Variants in AGTPBP1 observed in about 807,000 individuals in gnomAD.
The protein encoded by AGTPBP1 is cytosolic carboxypeptidase 1.
A neutral mutation model predicts 143.9 loss-of-function variants in AGTPBP1; 70 were observed. The observed-to-expected ratio is 0.49, with a 90% CI of 0.40 to 0.59. The LOEUF (loss-of-function observed/expected upper bound fraction) is 0.59, where lower values mean the gene tolerates loss of function less well. Among genes scored for constraint, AGTPBP1 ranks in the 20% least tolerant of loss-of-function variants. The probability of loss-of-function intolerance (pLI) is 0.00; values close to 1 mark genes in which losing one functional copy is unlikely to be tolerated. For synonymous variants in AGTPBP1, 463 were observed against 500.2 expected (o/e 0.93, Z 0.99); for missense variants, 1,229 against 1,464.5 (o/e 0.84, Z 2.62).
At chr9:85,598,783 G>A (rs955841848) in intron 17 of AGTPBP1, among the ~76,000 whole-genome samples, 11 of 152,034 alleles carry the variant, frequency 7.2e-5, no homozygotes, top group African/African-American at 2.4e-4. Flanking sequence ...GCAATGGTGC[G>A]ATCTCGGCTC....
chr9:85,701,001 T>G (rs1836610290), intron 2 of AGTPBP1, among the ~76,000 whole-genome samples: 1 of 151,998 alleles, frequency 6.6e-6, no homozygotes, highest in South Asian at 2.1e-4. Flanking sequence ...CACTGCAACC[T>G]CCACCTCTCA....
chr9:85,582,887 A>G (rs1258813542), intron 23 of AGTPBP1, among the ~76,000 whole-genome samples: 2 of 152,186 alleles, frequency 1.3e-5, no homozygotes, highest in Non-Finnish European at 2.9e-5. Flanking sequence ...CTTAATCACC[A>G]GAATCTAGGA....
intron 13 of AGTPBP1, among the ~76,000 whole-genome samples, chr9:85,637,442 A>G (rs1374526102): frequency 6.6e-6 from 1 of 152,216 alleles, no homozygotes; most frequent in Non-Finnish European, 1.5e-5. Flanking sequence ...TCCACAAAGA[A>G]ATTGTGGTGT....
chr9:85,613,039 G>A (rs867326145), intron 17 of AGTPBP1, among the ~76,000 whole-genome samples: 54 of 151,822 alleles, frequency 3.6e-4, no homozygotes, highest in African/African-American at 1.3e-3. Flanking sequence ...TGAACAAAAT[G>A]GATTAAAATT....
chr9:85,668,559 T>A (rs914048866), intron 8 of AGTPBP1, among the ~76,000 whole-genome samples: 7 of 152,100 alleles, frequency 4.6e-5, no homozygotes, highest in African/African-American at 1.4e-4. Context: ...CTGAGGTATT[T>A]AGAAAATAAA....
At chr9:85,730,425 C>T (rs1411084270) in intron 1 of AGTPBP1, among the ~76,000 whole-genome samples, 1 of 152,154 alleles carries the variant, frequency 6.6e-6, no homozygotes, top group Non-Finnish European at 1.5e-5. Context: ...AATTGGGCTT[C>T]CTAGTTCCAG....
the AGTPBP1 span, among the ~76,000 whole-genome samples, chr9:85,785,227 C>T: frequency 7.9e-5 from 12 of 151,740 alleles, no homozygotes; most frequent in East Asian, 3.9e-4. Flanking sequence ...CCAGCTACTC[C>T]GGAGGCTGAG....
intron 9 of AGTPBP1, among the ~76,000 whole-genome samples, chr9:85,659,081 T>A (rs75390251): frequency 6.6e-6 from 1 of 152,162 alleles, no homozygotes; most frequent in Non-Finnish European, 1.5e-5. Flanking sequence ...ATGGAATTTA[T>A]GAGAAATATT....
rs1436706843 is a variant in AGTPBP1, at chr9:85,547,139, G to A, written c.3651C>T (p.Asp1217=). The change falls in exon 26 of 26, where the codon GAC becomes GAT. Residue 1217 remains aspartate (D), a synonymous_variant. Coordinates refer to ENST00000357081, the MANE Select transcript of AGTPBP1 (RefSeq NM_001330701.2). ...GTAGGTATGTTCTTGATAATTCAGA[G>A]TCAGAAAGTACTTCTTCTTGAGCAG... is the stretch of plus-strand genomic sequence containing the variant. ...EPSAQEEVLS[D]SELSRTYLP is the part of the protein sequence containing the mutation. 1.9e-6 allele frequency: 3 copies of A among 1,612,406 alleles called. No individual in the cohort carries two copies. Among genetic ancestry groups the A allele is most frequent in the Admixed American group, 3.4e-5 (2 of 59,604 alleles).
intron 3 of AGTPBP1, among the ~76,000 whole-genome samples, chr9:85,688,215 A>G (rs1297738397): frequency 6.6e-6 from 1 of 152,080 alleles, no homozygotes; most frequent in South Asian, 2.1e-4. Context: ...GAGAAAGTCA[A>G]TTAAACCAGA....
At chr9:85,689,944 A>ATATATATCTC (rs1248531347) in intron 3 of AGTPBP1, among the ~76,000 whole-genome samples, 1 of 137,726 alleles carries the variant, frequency 7.3e-6, no homozygotes, top group East Asian at 2.0e-4. Flanking sequence ...ATATATATAT[A>ATATATATCTC]TATCTTAAAG....
At chr9:85,771,960 GAT>G in the AGTPBP1 span, among the ~76,000 whole-genome samples, 1 of 140,380 alleles carries the variant, frequency 7.1e-6, no homozygotes, top group Non-Finnish European at 1.5e-5. Flanking sequence ...CGCCCAGCCT[GAT>G]ATAGATAACT....
chr9:85,762,176 CT>C, the AGTPBP1 span, among the ~76,000 whole-genome samples: 1 of 152,076 alleles, frequency 6.6e-6, no homozygotes, highest in Non-Finnish European at 1.5e-5. Flanking sequence ...GTTGGTGGGA[CT>C]GTAAACTAGT....
intron 25 of AGTPBP1, among the ~76,000 whole-genome samples, chr9:85,572,467 T>C (rs918501990): frequency 7.2e-5 from 11 of 152,154 alleles, no homozygotes; most frequent in Non-Finnish European, 1.5e-4. Flanking sequence ...TAAAACAAAA[T>C]AAATATGATT....
the AGTPBP1 span, among the ~76,000 whole-genome samples, chr9:85,763,257 C>A: frequency 1.4e-4 from 21 of 151,664 alleles, no homozygotes; most frequent in African/African-American, 5.1e-4. Context: ...ATAAGGGCAC[C>A]AACTATGAAA....
the AGTPBP1 span, among the ~76,000 whole-genome samples, chr9:85,787,036 C>T: frequency 6.6e-6 from 1 of 152,004 alleles, no homozygotes; most frequent in Non-Finnish European, 1.5e-5. Context: ...CAGAGGGAGT[C>T]ACCTGCTGCA....
chr9:85,564,077 G>A (rs1243798140), intron 25 of AGTPBP1, among the ~76,000 whole-genome samples: 1 of 152,228 alleles, frequency 6.6e-6, no homozygotes, highest in Non-Finnish European at 1.5e-5. Flanking sequence ...ACAAGGGCAA[G>A]GCCACCACAA....
intron 19 of AGTPBP1, among the ~76,000 whole-genome samples, chr9:85,591,859 T>C (rs774250953): frequency 2.2e-4 from 34 of 152,292 alleles, no homozygotes; most frequent in Non-Finnish European, 4.7e-4. Context: ...CACATCTTCA[T>C]GATCTTTGAC....
chr9:85,626,320 C>T (rs754140104), intron 14 of AGTPBP1, among the ~76,000 whole-genome samples: 23 of 152,074 alleles, frequency 1.5e-4, no homozygotes, highest in Non-Finnish European at 3.2e-4. Context: ...GAAAACTGTA[C>T]AGTAGAAATT....
Sources: gnomAD v4.1 joint callset for allele counts (sites outside exome capture counted in the v4.1 genomes callset) on GRCh38, gnomAD v4.1.1 for gene constraint, MANE v1.5 for transcripts, NCBI Gene and HGNC (gene_info 2026-07-23, HGNC 2026-07-21) for gene names.